Variants in ADTRP observed in about 807,000 individuals in gnomAD.
The protein encoded by ADTRP is androgen-dependent TFPI-regulating protein.
In ADTRP, 20 loss-of-function variants were observed where a neutral mutation model predicts 27.0. That is an observed-to-expected ratio of 0.74 (90% CI 0.52 to 1.08). ADTRP has a LOEUF of 1.08. Ranked by LOEUF, ADTRP falls within the 50% of genes least tolerant of loss-of-function variation. ADTRP has a pLI of 0.00. For missense variants in ADTRP, 251 were observed against 275.0 expected, an observed-to-expected ratio of 0.91 and a Z score of 0.62; for synonymous variants, 101 against 105.2, an observed-to-expected ratio of 0.96 and a Z score of 0.25.
chr6:11,724,798 A>G (rs1275160875), intron 4 of ADTRP, among the ~76,000 whole-genome samples: 3 of 152,224 alleles, frequency 2.0e-5, no homozygotes, highest in African/African-American at 7.2e-5. Context: ...GGCTGTTGTA[A>G]AGATTACGGG....
intron 1 of ADTRP, 68 bp downstream of exon 1, chr6:11,778,539 T>G: frequency 1.3e-6 from 2 of 1,495,218 alleles, no homozygotes; most frequent in Non-Finnish European, 1.8e-6. Context: ...AATCCAAAGA[T>G]GATATGTGTG....
chr6:11,741,735 A>G (rs1488163174), intron 3 of ADTRP, among the ~76,000 whole-genome samples: 3 of 148,648 alleles, frequency 2.0e-5, no homozygotes, highest in African/African-American at 7.6e-5. Flanking sequence ...AAAAAAAGAT[A>G]TGGGATCTTA....
At chr6:11,756,497 T>C (rs960226169) in intron 3 of ADTRP, among the ~76,000 whole-genome samples, 1 of 152,118 alleles carries the variant, frequency 6.6e-6, no homozygotes, top group Non-Finnish European at 1.5e-5. Context: ...GATGTTACCA[T>C]TGGGGGAAAC....
chr6:11,766,923 C>A (rs182842538), intron 2 of ADTRP, among the ~76,000 whole-genome samples: 10 of 152,316 alleles, frequency 6.6e-5, no homozygotes, highest in Admixed American at 5.2e-4. Flanking sequence ...TACTCCTTGC[C>A]TCTCTTGTCA....
chr6:11,729,759 C>T (rs1451823332), intron 4 of ADTRP, among the ~76,000 whole-genome samples: 9 of 152,146 alleles, frequency 5.9e-5, no homozygotes, highest in Admixed American at 2.6e-4. Flanking sequence ...CCAATTAAAC[C>T]AGAGTATTTT....
chr6:11,740,301 T>G (rs187682315), intron 3 of ADTRP, among the ~76,000 whole-genome samples: 5 of 152,366 alleles, frequency 3.3e-5, no homozygotes, highest in Admixed American at 2.6e-4. Flanking sequence ...ATAAATATTT[T>G]TAAGTGAAGT....
intron 3 of ADTRP, among the ~76,000 whole-genome samples, chr6:11,757,993 C>T (rs1763266321): frequency 6.6e-6 from 1 of 152,190 alleles, no homozygotes; most frequent in Non-Finnish European, 1.5e-5. Flanking sequence ...TGGGCTCAGA[C>T]ATTTCTCTCC....
chr6:11,767,421 G>A (rs1447778350), intron 2 of ADTRP, among the ~76,000 whole-genome samples: 2 of 152,198 alleles, frequency 1.3e-5, no homozygotes, highest in Admixed American at 6.5e-5. Context: ...CAAAGTAATA[G>A]GTATCCTTGC....
chr6:11,730,691 G>A (rs948360759), intron 4 of ADTRP, among the ~76,000 whole-genome samples: 3 of 152,254 alleles, frequency 2.0e-5, no homozygotes, highest in African/African-American at 7.2e-5. Flanking sequence ...ATAAAAGAAA[G>A]TAATTCTCTC....
chr6:11,763,889 G>A (rs953072018), intron 3 of ADTRP, among the ~76,000 whole-genome samples: 8 of 152,186 alleles, frequency 5.3e-5, no homozygotes, highest in Admixed American at 1.3e-4. Flanking sequence ...ACTGTGTTAG[G>A]GACACCTGAG....
chr6:11,739,911 G>A (rs892599591), intron 3 of ADTRP, among the ~76,000 whole-genome samples: 1 of 152,146 alleles, frequency 6.6e-6, no homozygotes, highest in African/African-American at 2.4e-5. Flanking sequence ...GCGGGGACAA[G>A]AGCACTTAAT....
At chr6:11,738,867 G>A (rs1762624359) in intron 3 of ADTRP, among the ~76,000 whole-genome samples, 1 of 152,176 alleles carries the variant, frequency 6.6e-6, no homozygotes, top group South Asian at 2.1e-4. Context: ...GTCTTTGCAA[G>A]AATCACATTT....
chr6:11,765,919 G>A (rs185769216), intron 3 of ADTRP, among the ~76,000 whole-genome samples: 13 of 149,520 alleles, frequency 8.7e-5, no homozygotes, highest in African/African-American at 3.3e-4. Flanking sequence ...GTTGGGGTGG[G>A]CTTTTTTTTT....
chr6:11,770,309 A>T (rs765285143), intron 1 of ADTRP, among the ~76,000 whole-genome samples: 1 of 152,262 alleles, frequency 6.6e-6, no homozygotes, highest in African/African-American at 2.4e-5. Context: ...GATTCTAATC[A>T]CGGGCAGCTG....
chr6:11,771,362 G>A (rs1475082431), intron 1 of ADTRP, among the ~76,000 whole-genome samples: 1 of 152,204 alleles, frequency 6.6e-6, no homozygotes, highest in African/African-American at 2.4e-5. Context: ...TGGGGGCTCA[G>A]GAGGGAGGCA....
At chr6:11,738,509 T>G (rs1762615462) in intron 3 of ADTRP, 1 of 152,236 alleles carries the variant, frequency 6.6e-6, no homozygotes, top group African/African-American at 2.4e-5. Flanking sequence ...CAACCTCTAT[T>G]AAAAACCATT....
At chr6:11,769,593 ATTGT>A (rs1344189926) in intron 1 of ADTRP, among the ~76,000 whole-genome samples, 6 of 152,144 alleles carry the variant, frequency 3.9e-5, no homozygotes, top group African/African-American at 1.4e-4. Flanking sequence ...CTTGTTAAAG[ATTGT>A]TTATCTGGGT....
At chr6:11,749,991 G>C (rs1762990118) in intron 3 of ADTRP, among the ~76,000 whole-genome samples, 1 of 152,110 alleles carries the variant, frequency 6.6e-6, no homozygotes, top group African/African-American at 2.4e-5. Flanking sequence ...TAGGAAGAAG[G>C]GTTGTCTTTC....
chr6:11,743,851 C>T (rs570596568), intron 3 of ADTRP, among the ~76,000 whole-genome samples: 4 of 152,162 alleles, frequency 2.6e-5, no homozygotes, highest in Admixed American at 1.3e-4. Flanking sequence ...TAGCAGGCTG[C>T]GTCCAGGATG....
Sources: gnomAD v4.1 joint callset for allele counts (sites outside exome capture counted in the v4.1 genomes callset) on GRCh38, gnomAD v4.1.1 for gene constraint, MANE v1.5 for transcripts, NCBI Gene and HGNC (gene_info 2026-07-23, HGNC 2026-07-21) for gene names.